Variants in GALNT13 observed in about 807,000 individuals in gnomAD.
GALNT13 encodes the protein polypeptide N-acetylgalactosaminyltransferase 13, also known as UDP-GalNAc:polypeptide N-acetylgalactosaminyltransferase 13.
GALNT13 carries 28 observed loss-of-function variants against 64.2 expected under a neutral mutation model. That is an observed-to-expected ratio of 0.44 (90% CI 0.32 to 0.60). GALNT13 has a LOEUF of 0.60. Among genes scored for constraint, GALNT13 ranks in the 20% least tolerant of loss-of-function variants. The probability of loss-of-function intolerance (pLI) is 0.05; values close to 1 mark genes in which losing one functional copy is unlikely to be tolerated. For synonymous variants in GALNT13, 214 were observed against 224.6 expected, an observed-to-expected ratio of 0.95 and a Z score of 0.42; for missense variants, 577 against 669.8, an observed-to-expected ratio of 0.86 and a Z score of 1.53.
intron 11 of GALNT13, among the ~76,000 whole-genome samples, chr2:154,420,837 G>A (rs374111924): frequency 6.6e-5 from 10 of 152,044 alleles, no homozygotes; most frequent in Non-Finnish European, 1.2e-4. Context: ...AATTAACAGC[G>A]TTGCCTAGCC....
intron 9 of GALNT13, among the ~76,000 whole-genome samples, chr2:154,316,064 G>T (rs1694302987): frequency 6.6e-6 from 1 of 151,870 alleles, no homozygotes; most frequent in Admixed American, 6.6e-5. Context: ...CTCCAGCCTG[G>T]GTGACAGAGT....
chr2:153,698,375 G>A, the GALNT13 span, among the ~76,000 whole-genome samples: 2 of 151,916 alleles, frequency 1.3e-5, no homozygotes, highest in Non-Finnish European at 2.9e-5. Context: ...ACATACATAG[G>A]CTCAAAATAA....
At chr2:153,325,709 T>G in the GALNT13 span, among the ~76,000 whole-genome samples, 2 of 152,212 alleles carry the variant, frequency 1.3e-5, no homozygotes, top group Admixed American at 6.5e-5. Flanking sequence ...TTTGTTCTCA[T>G]TGGTTTCAAA....
At chr2:153,175,856 G>A in the GALNT13 span, among the ~76,000 whole-genome samples, 1 of 152,168 alleles carries the variant, frequency 6.6e-6, no homozygotes, top group Non-Finnish European at 1.5e-5. Context: ...TTTGTTGATT[G>A]AGGACCAGCT....
chr2:153,809,363 T>G, the GALNT13 span, among the ~76,000 whole-genome samples: 1 of 152,192 alleles, frequency 6.6e-6, no homozygotes, highest in African/African-American at 2.4e-5. Flanking sequence ...ATTGATTAGT[T>G]CCATGCTTAA....
chr2:153,664,338 CA>C, the GALNT13 span, among the ~76,000 whole-genome samples: 1 of 152,088 alleles, frequency 6.6e-6, no homozygotes, highest in East Asian at 1.9e-4. Flanking sequence ...TCACTTTTTG[CA>C]AAAAGAGAAA....
intron 3 of GALNT13, among the ~76,000 whole-genome samples, chr2:153,976,957 C>T (rs1274939807): frequency 6.6e-6 from 1 of 152,046 alleles, no homozygotes; most frequent in Non-Finnish European, 1.5e-5. Flanking sequence ...TTGCACTATA[C>T]CTCCTCTAAT....
At chr2:153,243,022 A>C in the GALNT13 span, among the ~76,000 whole-genome samples, 4 of 152,246 alleles carry the variant, frequency 2.6e-5, no homozygotes, top group Non-Finnish European at 5.9e-5. Context: ...AACTAGGTAG[A>C]AAATATACTT....
the GALNT13 span, among the ~76,000 whole-genome samples, chr2:153,852,785 A>C: frequency 1.3e-5 from 2 of 152,320 alleles, no homozygotes; most frequent in Admixed American, 1.3e-4. Context: ...TAGCTATTTA[A>C]CTGCTAGGTA....
At chr2:154,197,869 C>G (rs944442292) in intron 4 of GALNT13, among the ~76,000 whole-genome samples, 1 of 151,260 alleles carries the variant, frequency 6.6e-6, no homozygotes. Context: ...ATAAAAGTAT[C>G]TAGATAACAG....
chr2:153,673,237 C>T, the GALNT13 span, among the ~76,000 whole-genome samples: 1 of 152,106 alleles, frequency 6.6e-6, no homozygotes, highest in African/African-American at 2.4e-5. Context: ...ATTCCAAAGC[C>T]TGGCAGAGAC....
intron 3 of GALNT13, among the ~76,000 whole-genome samples, chr2:153,998,778 A>G (rs1475873418): frequency 1.3e-5 from 2 of 152,042 alleles, no homozygotes; most frequent in Admixed American, 6.6e-5. Context: ...TTTAGGTCTT[A>G]TGTTTAAGTC....
the GALNT13 span, among the ~76,000 whole-genome samples, chr2:153,073,669 T>G: frequency 6.6e-6 from 1 of 152,162 alleles, no homozygotes; most frequent in Admixed American, 6.6e-5. Flanking sequence ...TAAAACAAAG[T>G]GACCATTTTA....
At chr2:154,378,259 A>G (rs1698093785) in intron 9 of GALNT13, among the ~76,000 whole-genome samples, 1 of 152,158 alleles carries the variant, frequency 6.6e-6, no homozygotes, top group Admixed American at 6.6e-5. Context: ...CAGATTAAGA[A>G]GTAATCATTT....
At chr2:154,351,480 G>T (rs1269580994) in intron 9 of GALNT13, among the ~76,000 whole-genome samples, 1 of 151,758 alleles carries the variant, frequency 6.6e-6, no homozygotes, top group Non-Finnish European at 1.5e-5. Flanking sequence ...TCAGGAGATT[G>T]AGACCATCCT....
the GALNT13 span, among the ~76,000 whole-genome samples, chr2:153,566,937 C>G: frequency 1.2e-4 from 18 of 152,278 alleles, no homozygotes; most frequent in South Asian, 3.7e-3. Context: ...GAGACTGAAG[C>G]TAATTGAATT....
At chr2:154,119,204 G>C (rs1180977994) in intron 3 of GALNT13, among the ~76,000 whole-genome samples, 1 of 152,090 alleles carries the variant, frequency 6.6e-6, no homozygotes, top group Non-Finnish European at 1.5e-5. Flanking sequence ...ACTGGATAAA[G>C]TATTCCTCAT....
At chr2:154,105,654 T>C (rs751182178) in intron 3 of GALNT13, among the ~76,000 whole-genome samples, 17 of 152,178 alleles carry the variant, frequency 1.1e-4, no homozygotes, top group Non-Finnish European at 2.2e-4. Flanking sequence ...TGACTGTATT[T>C]ATAATAAACT....
chr2:154,237,426 C>T (rs1218023087), intron 4 of GALNT13, among the ~76,000 whole-genome samples: 2 of 150,946 alleles, frequency 1.3e-5, no homozygotes, highest in African/African-American at 4.9e-5. Flanking sequence ...TACTTATCCC[C>T]ACTTCCATCA....
Sources: gnomAD v4.1 joint callset for allele counts (sites outside exome capture counted in the v4.1 genomes callset) on GRCh38, gnomAD v4.1.1 for gene constraint, MANE v1.5 for transcripts, NCBI Gene and HGNC (gene_info 2026-07-23, HGNC 2026-07-21) for gene names.